TMEM165: variants seen among roughly 807,000 people sequenced by gnomAD.
TMEM165 encodes transmembrane protein 165, also known as putative divalent cation/proton antiporter TMEM165.
Under a neutral mutation model 30.0 loss-of-function variants are expected in TMEM165, and 19 were observed. The observed-to-expected ratio is 0.63, with a 90% CI of 0.44 to 0.93. The LOEUF (loss-of-function observed/expected upper bound fraction) is 0.93, where lower values mean the gene tolerates loss of function less well. Ranked by LOEUF, TMEM165 falls within the 40% of genes least tolerant of loss-of-function variation. TMEM165 has a pLI of 0.00. For missense variants in TMEM165, 340 were observed against 417.0 expected (o/e 0.82, Z 1.61); for synonymous variants, 168 against 162.9 (o/e 1.03, Z -0.24).
At chr4:55,439,024 TA>T (rs1723132709) in intron 3 of TMEM165, among the ~76,000 whole-genome samples, 1 of 152,098 alleles carries the variant, frequency 6.6e-6, no homozygotes, top group African/African-American at 2.4e-5. Flanking sequence ...TGTATCAAAT[TA>T]AAAATCTTGT....
intron 3 of TMEM165, among the ~76,000 whole-genome samples, chr4:55,449,183 A>C (rs934391398): frequency 2.0e-5 from 3 of 152,104 alleles, no homozygotes; most frequent in African/African-American, 4.8e-5. Context: ...AAAAAAAAAA[A>C]ACTAACATTT....
intron 3 of TMEM165, among the ~76,000 whole-genome samples, chr4:55,445,582 CT>C (rs56157186): frequency 1.4e-3 from 95 of 68,590 alleles, no homozygotes; most frequent in Non-Finnish European, 2.0e-3. Flanking sequence ...TTTCTATATT[CT>C]TTTTTTTTTT....
At chr4:55,438,992 C>G (rs1577670926) in intron 3 of TMEM165, among the ~76,000 whole-genome samples, 2 of 152,136 alleles carry the variant, frequency 1.3e-5, no homozygotes, top group South Asian at 4.1e-4. Flanking sequence ...AACAAAAGAA[C>G]AGATAAACAG....
intron 4 of TMEM165, chr4:55,418,210 C>CT: frequency 4.8e-6 from 2 of 417,268 alleles, no homozygotes; most frequent in Non-Finnish European, 8.4e-6. Flanking sequence ...TTTACTCATC[C>CT]TTTTCCCTTT....
downstream of TMEM165, chr4:55,429,265 T>G (rs1722366738): frequency 6.6e-6 from 1 of 152,178 alleles, no homozygotes; most frequent in Admixed American, 6.5e-5. Context: ...TTAAGAAATA[T>G]TTTTTAGATC....
At chr4:55,431,485 T>TA (rs1472850349) in intron 3 of TMEM165, 1 of 152,210 alleles carries the variant, frequency 6.6e-6, no homozygotes, top group African/African-American at 2.4e-5. Context: ...TCCAAACACT[T>TA]AAAATGGCAA....
intron 5 of TMEM165, 181 bp downstream of exon 5, chr4:55,424,824 A>G: frequency 1.9e-6 from 1 of 532,324 alleles, no homozygotes; most frequent in East Asian, 3.2e-5. Flanking sequence ...ACCTGTGTAG[A>G]AGTTAGCAAA....
intron 2 of TMEM165, among the ~76,000 whole-genome samples, chr4:55,414,891 T>C (rs779176711): frequency 1.3e-5 from 2 of 152,176 alleles, no homozygotes; most frequent in Non-Finnish European, 2.9e-5. Flanking sequence ...GGTGATACTT[T>C]GTCTCTCCAA....
Position 55,445,025 on chromosome 4 carries a change from T to A in TMEM165, c.409-7214T>A, listed in dbSNP as rs185317788. Among the ~76,000 whole-genome samples the A allele has an allele frequency of 3.3e-5, 5 of 152,320 alleles. No homozygotes were observed. The East Asian group carries it at 9.7e-4, about 29-fold the overall frequency. Reference sequence around the variant, plus strand: ...AGTTATCCACATCAGTAGGTGGTGCTGGAGGGACACTGCCAAGAAAGTGCT... The same window carrying A: ...AGTTATCCACATCAGTAGGTGGTGCAGGAGGGACACTGCCAAGAAAGTGCT... On this transcript the variant is annotated intron_variant, in intron 3 of 3. Transcript: ENST00000608091.
At chr4:55,412,028 C>T (rs939466651) in intron 2 of TMEM165, 189 bp downstream of exon 2, 2 of 637,876 alleles carry the variant, frequency 3.1e-6, no homozygotes, top group Non-Finnish European at 5.5e-6. Flanking sequence ...CCCCCTCTCG[C>T]ATAGTTGTCT....
At chr4:55,401,234 T>G (rs75920719) in intron 1 of TMEM165, among the ~76,000 whole-genome samples, 117 of 150,862 alleles carry the variant, frequency 7.8e-4, no homozygotes, top group Non-Finnish European at 1.8e-4. Flanking sequence ...TGGTAAGTAA[T>G]ATGAACTTAA....
chr4:55,432,159 C>A (rs1722554171), intron 3 of TMEM165: 1 of 152,170 alleles, frequency 6.6e-6, no homozygotes, highest in Non-Finnish European at 1.5e-5. Context: ...GAAGGCTAGA[C>A]CGTAGTATTT....
chr4:55,411,693 C>G lies in TMEM165; in HGVS notation c.287C>G (p.Ala96Gly). The G allele has an allele frequency of 6.2e-7, 1 of 1,614,096 alleles. No homozygotes were observed. Among genetic ancestry groups the G allele is most frequent in the South Asian group, 1.1e-5 (1 of 91,086 alleles). Residue 96 changes from alanine (A) to glycine (G), a missense_variant, in exon 2 of 6, where the codon GCA (alanine) becomes GGA (glycine). Physicochemically the swap from Ala to Gly is moderately conservative, Grantham distance 60. Coordinates refer to ENST00000381334, the MANE Select transcript of TMEM165 (RefSeq NM_018475.5). ...CAAACTAATTTGGGATTTATCCATG[C>G]ATTTGTCGCTGCCATATCAGTTATT... ...ATQTNLGFIH[A>G]FVAAISVIIV... is the part of the protein sequence containing the mutation.
chr4:55,400,277 A>T (rs1370725875), intron 1 of TMEM165, among the ~76,000 whole-genome samples: 7 of 102,570 alleles, frequency 6.8e-5, no homozygotes, highest in East Asian at 6.7e-4. Context: ...TATATAATAT[A>T]ATATTATATA....
chr4:55,453,268 T>A, exon 4 of TMEM165: 5 of 705,218 alleles, frequency 7.1e-6, no homozygotes, highest in Non-Finnish European at 1.3e-5. Context: ...ACCTAAAATA[T>A]ACCTATAATG....
intron 3 of TMEM165, chr4:55,450,355 T>G (rs1724320417): frequency 9.5e-7 from 1 of 1,047,268 alleles, no homozygotes; most frequent in South Asian, 1.3e-5. Flanking sequence ...AGTACCTGTA[T>G]GTACATACAC....
chr4:55,451,395 C>A (rs1724435669), intron 3 of TMEM165, among the ~76,000 whole-genome samples: 1 of 152,098 alleles, frequency 6.6e-6, no homozygotes. Flanking sequence ...TAGCTATTAC[C>A]CCCCTGTTGT....
intron 3 of TMEM165, among the ~76,000 whole-genome samples, chr4:55,440,833 A>C (rs1260713102): frequency 1.3e-5 from 2 of 152,122 alleles, no homozygotes; most frequent in Non-Finnish European, 1.5e-5. Flanking sequence ...ATGCCTCCCT[A>C]GACTCCATGC....
At chr4:55,412,523 C>T (rs180810643) in intron 2 of TMEM165, 4 of 148,762 alleles carry the variant, frequency 2.7e-5, no homozygotes, top group East Asian at 4.2e-4. Flanking sequence ...TGTGAATATA[C>T]TTTTTTAACA....
Sources: allele counts gnomAD v4.1 joint callset (sites outside exome capture counted in the v4.1 genomes callset), GRCh38; gene constraint gnomAD v4.1.1; transcripts MANE v1.5; gene names NCBI Gene and HGNC (gene_info 2026-07-23, HGNC 2026-07-21).